A2M: variants seen among roughly 807,000 people sequenced by gnomAD.
A2M encodes C3 and PZP-like alpha-2-macroglobulin domain-containing protein 5.
Under a neutral mutation model 183.9 loss-of-function variants are expected in A2M, and 128 were observed. The observed-to-expected ratio is 0.70, with a 90% CI of 0.60 to 0.81. The LOEUF is 0.81. Ranked by LOEUF, A2M falls within the 30% of genes least tolerant of loss-of-function variation. The pLI, the probability that A2M is intolerant of heterozygous loss-of-function variation, is 0.00. For synonymous variants in A2M, 592 were observed against 670.8 expected (o/e 0.88, Z 1.81); for missense variants, 1,495 against 1,787.6 (o/e 0.84, Z 2.95).
intron 13 of A2M, among the ~76,000 whole-genome samples, chr12:9,100,415 T>A (rs987997800): frequency 6.6e-6 from 1 of 152,036 alleles, no homozygotes; most frequent in African/African-American, 2.4e-5. Context: ...ATTTTATTTT[T>A]CCCCCTTTGT....
intron 15 of A2M, among the ~76,000 whole-genome samples, chr12:9,097,571 C>T (rs1386312665): frequency 2.0e-5 from 3 of 150,898 alleles, no homozygotes; most frequent in Admixed American, 6.6e-5. Context: ...AGAGATAATA[C>T]ATATGTTCCC....
At chr12:9,101,041 C>A (rs1937797082) in intron 13 of A2M, 103 bp downstream of exon 13, 3 of 1,124,660 alleles carry the variant, frequency 2.7e-6, no homozygotes, top group Non-Finnish European at 3.8e-6. Flanking sequence ...CCTGTTCCCC[C>A]AAAAACCTAT....
rs1490204933 is a variant in A2M, at chr12:9,113,534, C to T, written c.96G>A (p.Met32Ile). ...TGTGGAGCAGGGAGGGGACCAGAAC[C>T]ATATACTGCCTGGGAATGAGACGGT... is the stretch of plus-strand genomic sequence containing the variant. ...DASVSGKPQYMVLVPSLLHTE... is the reference protein window; with the variant it reads ...DASVSGKPQYIVLVPSLLHTE... Residue 32 changes from methionine to isoleucine, a missense_variant, in exon 2 of 36, where the codon ATG becomes ATA. Physicochemically the swap from Met to Ile is conservative, Grantham distance 10. Coordinates refer to ENST00000318602, the MANE Select transcript of A2M (RefSeq NM_000014.6). 8 of 1,613,512 alleles carry T rather than the reference C, an allele frequency of 5.0e-6. No individual in the cohort carries two copies. Among genetic ancestry groups the T allele is most frequent in the Non-Finnish European group, 5.9e-6 (7 of 1,179,752 alleles).
At chr12:9,112,749 A>G (rs148267422) in intron 2 of A2M, 6 of 554,244 alleles carry the variant, frequency 1.1e-5, no homozygotes, top group African/African-American at 1.9e-5. Flanking sequence ...TCAGTAAGAG[A>G]GGTTGTAAGT....
intron 11 of A2M, among the ~76,000 whole-genome samples, chr12:9,103,003 AG>A (rs1012691754): frequency 6.6e-6 from 1 of 152,206 alleles, no homozygotes; most frequent in Non-Finnish European, 1.5e-5. Flanking sequence ...ATGTATCTAT[AG>A]ACATGTCTAC....
At position 9,070,570 on chromosome 12, in the gene A2M, C is replaced by T; in HGVS notation, c.4112G>A (p.Gly1371Glu). ...FQISLSVSYT[G>E]SRSASNMAIV... ...CGCCATGTTGGAGGCAGAGCGGCTC[C>T]CTGTGTAACTGAGGATCCAGGGGAG... Residue 1371 changes from glycine to glutamate, a missense_variant, in exon 32 of 36, where the codon GGG becomes GAG. Gly to Glu is a moderately conservative substitution (Grantham distance 98, BLOSUM62 -2). Transcript: ENST00000318602. 1 of 1,612,782 alleles carries T rather than the reference C, an allele frequency of 6.2e-7. No individual in the cohort carries two copies. Among genetic ancestry groups the T allele is most frequent in the Non-Finnish European group, 8.5e-7 (1 of 1,179,192 alleles).
chr12:9,091,645 TAC>T (rs1344938294), intron 18 of A2M, among the ~76,000 whole-genome samples: 3 of 152,244 alleles, frequency 2.0e-5, no homozygotes, highest in African/African-American at 7.2e-5. Flanking sequence ...CATAATCTTT[TAC>T]AGACAATATA....
intron 11 of A2M, among the ~76,000 whole-genome samples, chr12:9,103,396 C>G (rs192107782): frequency 7.2e-5 from 11 of 152,218 alleles, no homozygotes; most frequent in Non-Finnish European, 1.6e-4. Flanking sequence ...GGAATTCACA[C>G]TTTTCAAAAA....
chr12:9,076,889 CT>C lies in A2M; in HGVS notation c.3398del (p.Lys1133ArgfsTer43), dbSNP rs777608465. On this transcript the variant is annotated frameshift_variant, in exon 28 of 36. Coordinates refer to ENST00000318602, the MANE Select transcript of A2M (RefSeq NM_000014.6). LOFTEE classifies it high-confidence loss of function. ...TGCCATGGTCCCCTTCTTGTGCTGT[CT>C]TCCAGGCTGACTCCAGGCAAAACAG... ...NALFCLESAWKTAQEGDHGSH... is the reference protein window; with the variant it reads ...NALFCLESAWXTAQEGDHGSH... 3.7e-6 allele frequency: 6 copies of C among 1,610,882 alleles called. No homozygotes were observed. In the African/African-American group the frequency reaches 6.7e-5, roughly 18 times the overall value.
At chr12:9,085,929 A>AC (rs1339069455) in intron 22 of A2M, among the ~76,000 whole-genome samples, 1 of 152,202 alleles carries the variant, frequency 6.6e-6, no homozygotes, top group African/African-American at 2.4e-5. Flanking sequence ...TATACATACT[A>AC]CCAAGACTGA....
intron 11 of A2M, 84 bp downstream of exon 11, chr12:9,104,155 C>A (rs1268764463): frequency 7.2e-7 from 1 of 1,379,750 alleles, no homozygotes; most frequent in Non-Finnish European, 9.9e-7. Context: ...GAACTAGACA[C>A]AGTTTGGAAA....
intron 28 of A2M, among the ~76,000 whole-genome samples, chr12:9,075,748 A>G (rs1948730940): frequency 6.6e-6 from 1 of 152,232 alleles, no homozygotes; most frequent in Admixed American, 6.5e-5. Flanking sequence ...CAGCAAAAAT[A>G]TAAGGAAATC....
chr12:9,077,237 G>T, intron 27 of A2M, 109 bp downstream of exon 27: 2 of 1,094,136 alleles, frequency 1.8e-6, no homozygotes, highest in Non-Finnish European at 1.3e-6. Flanking sequence ...GCATTGCATA[G>T]AAAGAAAGCT....
Position 9,098,639 on chromosome 12 carries a change from T to C in A2M, c.1819A>G (p.Met607Val), listed in dbSNP as rs1232530704. The C allele has an allele frequency of 6.2e-7, 1 of 1,608,602 alleles. No individual in the cohort carries two copies. The highest frequency in any genetic ancestry group is 8.5e-7 in the Non-Finnish European group (1 of 1,177,766). The change falls in exon 15 of 36, where the codon ATG becomes GTG. Residue 607 changes from methionine (M) to valine (V), a missense_variant. Transcript: ENST00000318602. ...LRAVDQSVLLMKPDAELSASS... is the reference protein window; with the variant it reads ...LRAVDQSVLLVKPDAELSASS... Reference sequence around the variant, plus strand: ...GCCGAGAGCTCAGCATCAGGCTTCATGAGCAGCACGCTTTGGTCCACAGCA... The same window carrying C: ...GCCGAGAGCTCAGCATCAGGCTTCACGAGCAGCACGCTTTGGTCCACAGCA...
At chr12:9,107,131 G>A (rs779496814) in intron 8 of A2M, among the ~76,000 whole-genome samples, 2 of 152,190 alleles carry the variant, frequency 1.3e-5, no homozygotes, top group African/African-American at 2.4e-5. Flanking sequence ...GCTGGGAAGC[G>A]GCCTTCTATA....
intron 29 of A2M, among the ~76,000 whole-genome samples, chr12:9,074,192 G>T (rs1948667654): frequency 6.6e-6 from 1 of 152,058 alleles, no homozygotes; most frequent in South Asian, 2.1e-4. Context: ...GCGAGGAGAG[G>T]TTGTTGGATT....
intron 7 of A2M, among the ~76,000 whole-genome samples, chr12:9,108,351 C>G (rs1938466235): frequency 6.6e-6 from 1 of 152,146 alleles, no homozygotes; most frequent in African/African-American, 2.4e-5. Flanking sequence ...TGGTCTTGAT[C>G]TCCTGACCTC....
At chr12:9,100,159 C>A (rs925097941) in intron 13 of A2M, among the ~76,000 whole-genome samples, 2 of 152,078 alleles carry the variant, frequency 1.3e-5, no homozygotes, top group South Asian at 4.1e-4. Context: ...CCGCTTCAGT[C>A]GGTAGAAGTA....
rs763473486 is a variant in A2M, at chr12:9,070,483, C to T, written c.4194+5G>A. On this transcript the variant is annotated splice_donor_5th_base_variant and intron_variant, in intron 32 of 35. Coordinates refer to ENST00000318602, the MANE Select transcript of A2M (RefSeq NM_000014.6). ...TAGGGCAGTCTGGGGTTATGATAAA[C>T]CTACCATTTTCACTGTTGGCTTCAG... 6.2e-7 allele frequency: 1 copy of T among 1,608,292 alleles called. No individual in the cohort carries two copies. The highest frequency in any genetic ancestry group is 8.5e-7 in the Non-Finnish European group (1 of 1,175,074).
Sources: gnomAD v4.1 joint callset for allele counts (sites outside exome capture counted in the v4.1 genomes callset) on GRCh38, gnomAD v4.1.1 for gene constraint, MANE v1.5 for transcripts, NCBI Gene and HGNC (gene_info 2026-07-23, HGNC 2026-07-21) for gene names.